Variants in SDK2 observed in about 807,000 individuals in gnomAD.
SDK2 encodes the protein protein sidekick-2.
A neutral mutation model predicts 253.9 loss-of-function variants in SDK2; 105 were observed. The ratio of observed to expected loss-of-function variants is 0.41; its 90% CI spans 0.35 to 0.49. The LOEUF (loss-of-function observed/expected upper bound fraction) is 0.49, where lower values mean the gene tolerates loss of function less well. Ranked by LOEUF, SDK2 falls within the 20% of genes least tolerant of loss-of-function variation. The pLI, the probability that SDK2 is intolerant of heterozygous loss-of-function variation, is 0.06. For synonymous variants in SDK2, 1,249 were observed against 1,234.9 expected (o/e 1.01, Z -0.24); for missense variants, 2,608 against 3,003.0 (o/e 0.87, Z 3.07).
At chr17:73,529,493 T>C (rs1265278282) in intron 1 of SDK2, among the ~76,000 whole-genome samples, 1 of 152,142 alleles carries the variant, frequency 6.6e-6, no homozygotes, top group Non-Finnish European at 1.5e-5. Context: ...GGAGTAGCGT[T>C]CCCCAAAATT....
At chr17:73,582,987 C>T (rs2045556494) in intron 1 of SDK2, among the ~76,000 whole-genome samples, 1 of 152,170 alleles carries the variant, frequency 6.6e-6, no homozygotes. Context: ...TGCCCCAGGG[C>T]CTTTACACAG....
At chr17:73,589,416 G>A (rs2045651100) in intron 1 of SDK2, among the ~76,000 whole-genome samples, 1 of 152,370 alleles carries the variant, frequency 6.6e-6, no homozygotes, top group South Asian at 2.1e-4. Flanking sequence ...GATTTGCAGA[G>A]CTGGGAAAAG....
In SDK2 at chr17:73,374,603, A is replaced by G. The variant is rs1201988447; in HGVS notation, c.4980+4574T>C. Among the ~76,000 whole-genome samples the G allele has an allele frequency of 9.8e-5, 14 of 143,488 alleles. 3 individuals are homozygous for G. The highest frequency in any genetic ancestry group is 3.4e-4 in the African/African-American group (12 of 35,596). 94.1% of individuals were successfully genotyped at this position (143,488 alleles called of 152,430 possible). On this transcript the variant is annotated intron_variant, in intron 36 of 44. Transcript: ENST00000392650. ...TTGCCTCAGCCTCCCCAGTAGCTGG[A>G]ATTACAAGCATGCGCTACCATACCC...
At chr17:73,637,742 T>C (rs2046350228) in intron 1 of SDK2, among the ~76,000 whole-genome samples, 1 of 152,336 alleles carries the variant, frequency 6.6e-6, no homozygotes, top group South Asian at 2.1e-4. Flanking sequence ...AAGGACCTTG[T>C]GTATTTCAAA....
At position 73,361,808 on chromosome 17, in the gene SDK2, G is replaced by A. The variant is rs1351987754; in HGVS notation, c.5343C>T (p.Asn1781=). The A allele has an allele frequency of 2.5e-6, 4 of 1,607,162 alleles. No homozygotes were observed. The Admixed American group carries it at 6.8e-5, about 27-fold the overall frequency. The change falls in exon 39 of 45, where the codon AAC becomes AAT. Residue 1781 remains asparagine, a synonymous_variant. Coordinates refer to ENST00000392650, the MANE Select transcript of SDK2 (RefSeq NM_001144952.2). The surrounding 1 kb of genome is among the most constrained non-coding windows in gnomAD (Gnocchi z 4.1). ...CCTTCACCTTCAGCCACAGGGGGCT[G>A]TTCCCCTTCACGTCCACGGTCACGA... ...SKIVTVDVKG[N]SPLWLKVKDL...
chr17:73,636,584 G>A (rs1244186039), intron 1 of SDK2, among the ~76,000 whole-genome samples: 1 of 151,190 alleles, frequency 6.6e-6, no homozygotes, highest in African/African-American at 2.4e-5. Flanking sequence ...GGGAGGCTGG[G>A]GCAGGAGAAT....
At chr17:73,460,769 A>T (rs1388464489) in intron 3 of SDK2, among the ~76,000 whole-genome samples, 3 of 152,236 alleles carry the variant, frequency 2.0e-5, no homozygotes, top group African/African-American at 7.2e-5. Flanking sequence ...GTTGTTTATT[A>T]ATTTCCATTA....
In SDK2 at chr17:73,401,974, G is replaced by A; in HGVS notation, c.2652C>T (p.Thr884=). ...FTTPGDGPRS[T]PQLVRTHEDV... is the part of the protein sequence containing the mutation. ...CCTCATGGGTGCGCACCAGCTGCGG[G>A]GTGCTGCGTGGCCCGTCCCCGGGGG... Residue 884 remains threonine (T), a synonymous_variant, in exon 19 of 45, where the codon ACC becomes ACT. Transcript: ENST00000392650. The A allele has an allele frequency of 6.2e-7, 1 of 1,612,530 alleles. No individual in the cohort carries two copies. Among genetic ancestry groups the A allele is most frequent in the Non-Finnish European group, 8.5e-7 (1 of 1,179,370 alleles).
chr17:73,343,591 C>T (rs751985477), intron 44 of SDK2, among the ~76,000 whole-genome samples: 14 of 152,214 alleles, frequency 9.2e-5, no homozygotes, highest in Non-Finnish European at 1.3e-4. Flanking sequence ...CTTCGTCTCC[C>T]TGGTCTCTTA....
At chr17:73,411,076 C>G (rs193134162) in intron 18 of SDK2, among the ~76,000 whole-genome samples, 83 of 152,082 alleles carry the variant, frequency 5.5e-4, no homozygotes, top group African/African-American at 1.5e-3. Context: ...CTGCCTCCCC[C>G]CAGGGTCCCA....
In SDK2 at chr17:73,511,197, G is replaced by A. The variant is rs573099692; in HGVS notation, c.65-3600C>T. On this transcript the variant is annotated intron_variant, in intron 1 of 44. Coordinates refer to ENST00000392650, the MANE Select transcript of SDK2 (RefSeq NM_001144952.2). This position sits in a 1 kb window ranked among gnomAD's most constrained non-coding sequence, Gnocchi z 4.9. ...TTTTAAAAACCCTCTGTTCATTGCTGTCATCACTCGTTTGTTTTAAAACAA... is the reference window on the plus strand; with the variant it reads ...TTTTAAAAACCCTCTGTTCATTGCTATCATCACTCGTTTGTTTTAAAACAA... Among the ~76,000 whole-genome samples the A allele has an allele frequency of 6.6e-6, 1 of 152,328 alleles. No homozygotes were observed. The highest frequency in any genetic ancestry group is 2.1e-4 in the South Asian group (1 of 4,830).
intron 2 of SDK2, among the ~76,000 whole-genome samples, chr17:73,480,642 C>CAG (rs931852142): frequency 6.6e-6 from 1 of 151,830 alleles, no homozygotes; most frequent in Admixed American, 6.6e-5. Context: ...GAGACAGAGA[C>CAG]AGAGAGAGAC....
intron 36 of SDK2, among the ~76,000 whole-genome samples, chr17:73,378,780 T>A (rs950084122): frequency 4.6e-5 from 7 of 152,224 alleles, no homozygotes; most frequent in Non-Finnish European, 4.4e-5. Context: ...GCTAACTGGC[T>A]ATCTGATTAA....
chr17:73,452,519 G>C (rs2063496805), intron 4 of SDK2, among the ~76,000 whole-genome samples: 1 of 152,126 alleles, frequency 6.6e-6, no homozygotes, highest in African/African-American at 2.4e-5. Flanking sequence ...GTTCTGTCCT[G>C]GTGCCACAGG....
Position 73,467,988 on chromosome 17 carries a change from A to C in SDK2, c.331+4124T>G, listed in dbSNP as rs1285223249. On this transcript the variant is annotated intron_variant, in intron 3 of 44. Transcript: ENST00000392650. This position sits in a 1 kb window ranked among gnomAD's most constrained non-coding sequence, Gnocchi z 4.1. ...TGCCAGGGGCCTTACCCATATGTGC[A>C]CAGCTGGGCAGCACAGCATGGTCCT... Among the ~76,000 whole-genome samples the C allele has an allele frequency of 2.6e-5, 4 of 152,296 alleles. No individual in the cohort carries two copies. In the East Asian group the frequency reaches 7.7e-4, roughly 29 times the overall value.
chr17:73,619,457 T>C (rs2046102233), intron 1 of SDK2, among the ~76,000 whole-genome samples: 1 of 152,144 alleles, frequency 6.6e-6, no homozygotes. Context: ...CCAACTGATT[T>C]TTGACAAAGT....
chr17:73,626,417 T>C (rs1385872663), intron 1 of SDK2, among the ~76,000 whole-genome samples: 1 of 152,218 alleles, frequency 6.6e-6, no homozygotes, highest in African/African-American at 2.4e-5. Context: ...TGCCAGCCTG[T>C]CCCAGGGGCT....
In SDK2 at chr17:73,481,602, A is replaced by G. The variant is rs563088043; in HGVS notation, c.225-9384T>C. On this transcript the variant is annotated intron_variant, in intron 2 of 44. Coordinates refer to ENST00000392650, the MANE Select transcript of SDK2 (RefSeq NM_001144952.2). The surrounding 1 kb of genome is among the most constrained non-coding windows in gnomAD (Gnocchi z 4.5). ...AAAGCCCTCTCCCCTCGCAGGACGT[A>G]GCCGGATCCCTCACCAACGCAGGAC... 2.6e-5 allele frequency among the ~76,000 whole-genome samples: 4 copies of G among 152,306 alleles called. No individual in the cohort carries two copies. The East Asian group carries it at 7.7e-4, about 29-fold the overall frequency.
intron 1 of SDK2, among the ~76,000 whole-genome samples, chr17:73,516,351 T>C (rs1239128152): frequency 6.6e-6 from 1 of 152,200 alleles, no homozygotes; most frequent in African/African-American, 2.4e-5. Flanking sequence ...CCCCTGCCCT[T>C]CAGAAGAAAT....
Sources: gnomAD v4.1 joint callset for allele counts (sites outside exome capture counted in the v4.1 genomes callset) on GRCh38, gnomAD v4.1.1 for gene constraint, Gnocchi (gnomAD v3.1) non-coding constraint, MANE v1.5 for transcripts, NCBI Gene and HGNC (gene_info 2026-07-23, HGNC 2026-07-21) for gene names.